The following CNGB3 variants were observed in gnomAD, a reference collection of about 807,000 sequenced individuals.
CNGB3 encodes cyclic nucleotide gated channel subunit beta 3.
A neutral mutation model predicts 92.8 loss-of-function variants in CNGB3; 86 were observed. The ratio of observed to expected loss-of-function variants is 0.93; its 90% CI spans 0.78 to 1.11. CNGB3 has a LOEUF of 1.11. Among genes scored for constraint, CNGB3 ranks in the 50% least tolerant of loss-of-function variants. CNGB3 has a pLI of 0.00. For synonymous variants in CNGB3, 333 were observed against 332.7 expected (o/e 1.00, Z -0.01); for missense variants, 1,026 against 956.8 (o/e 1.07, Z -0.95).
intron 3 of CNGB3, among the ~76,000 whole-genome samples, chr8:86,683,305 T>C (rs1586013793): frequency 6.6e-6 from 1 of 152,096 alleles, no homozygotes; most frequent in East Asian, 1.9e-4. Context: ...GAAGATACAC[T>C]GAGTTGGTCT....
intron 5 of CNGB3, 113 bp downstream of exon 5, chr8:86,667,906 G>T: frequency 1.7e-6 from 2 of 1,164,220 alleles, no homozygotes; most frequent in Non-Finnish European, 1.3e-6. Context: ...CTGCTTCCTA[G>T]TTAGATTGAG....
At chr8:86,628,382 C>T (rs1442530715) in intron 12 of CNGB3, among the ~76,000 whole-genome samples, 1 of 152,082 alleles carries the variant, frequency 6.6e-6, no homozygotes, top group East Asian at 1.9e-4. Context: ...TGCCCAGCCT[C>T]AAAAGTTATA....
At chr8:86,578,111 G>A (rs542454641) in intron 17 of CNGB3, among the ~76,000 whole-genome samples, 12 of 152,064 alleles carry the variant, frequency 7.9e-5, no homozygotes, top group South Asian at 6.2e-4. Flanking sequence ...GGGTTTCACC[G>A]TGTTAGTCAG....
At chr8:86,679,692 A>C (rs1824043094) in intron 3 of CNGB3, among the ~76,000 whole-genome samples, 1 of 151,946 alleles carries the variant, frequency 6.6e-6, no homozygotes, top group East Asian at 1.9e-4. Flanking sequence ...TGCCTGGCTA[A>C]TTTTTGTATT....
chr8:86,702,319 T>C (rs1478983510), intron 3 of CNGB3, among the ~76,000 whole-genome samples: 1 of 152,214 alleles, frequency 6.6e-6, no homozygotes, highest in Non-Finnish European at 1.5e-5. Flanking sequence ...TCCTTAAGGC[T>C]ATTCTGTATT....
intron 1 of CNGB3, among the ~76,000 whole-genome samples, chr8:86,742,270 G>C (rs1825356260): frequency 6.6e-6 from 1 of 152,238 alleles, no homozygotes; most frequent in Admixed American, 6.5e-5. Flanking sequence ...CTGAAGGAAA[G>C]TACCAGCTCA....
intron 3 of CNGB3, among the ~76,000 whole-genome samples, chr8:86,700,008 C>A (rs1164686526): frequency 6.6e-6 from 1 of 152,196 alleles, no homozygotes; most frequent in Middle Eastern, 3.4e-3. Flanking sequence ...GCAAGACCCC[C>A]ACAAAATTTT....
At chr8:86,626,655 A>G (rs1364207417) in intron 12 of CNGB3, among the ~76,000 whole-genome samples, 2 of 152,212 alleles carry the variant, frequency 1.3e-5, no homozygotes, top group Non-Finnish European at 1.5e-5. Flanking sequence ...CATAATTAGT[A>G]GGTGGCTCAG....
chr8:86,701,597 A>T (rs1315323609), intron 3 of CNGB3, among the ~76,000 whole-genome samples: 1 of 152,230 alleles, frequency 6.6e-6, no homozygotes, highest in Non-Finnish European at 1.5e-5. Context: ...ACAGAAAGAT[A>T]ACCATGCAAT....
At chr8:86,723,479 T>C (rs1158518630) in intron 3 of CNGB3, among the ~76,000 whole-genome samples, 1 of 152,140 alleles carries the variant, frequency 6.6e-6, no homozygotes, top group Non-Finnish European at 1.5e-5. Context: ...ATCAAAAGCA[T>C]TGTGAAGTAA....
At chr8:86,639,553 A>AT in intron 10 of CNGB3, among the ~76,000 whole-genome samples, 1 of 152,184 alleles carries the variant, frequency 6.6e-6, no homozygotes, top group South Asian at 2.1e-4. Context: ...AAATTTGCAA[A>AT]TCCAAAGGCC....
intron 2 of CNGB3, among the ~76,000 whole-genome samples, chr8:86,727,884 G>C (rs554492146): frequency 1.3e-5 from 2 of 152,126 alleles, no homozygotes; most frequent in African/African-American, 4.8e-5. Context: ...TAAATCAGGG[G>C]ATGATCACCA....
At chr8:86,667,254 C>A in intron 5 of CNGB3, 121 bp from the exon 6 acceptor site, 1 of 808,630 alleles carries the variant, frequency 1.2e-6, no homozygotes, top group South Asian at 1.5e-5. Context: ...ATAGGAGGCT[C>A]TATTAAACAT....
chr8:86,653,837 C>T (rs1398273384), intron 7 of CNGB3, among the ~76,000 whole-genome samples, 175 bp downstream of exon 7: 1 of 152,118 alleles, frequency 6.6e-6, no homozygotes. Context: ...GAATTACCCA[C>T]TTGCACATAC....
chr8:86,650,918 G>A (rs1289440214), intron 7 of CNGB3, among the ~76,000 whole-genome samples: 3 of 151,748 alleles, frequency 2.0e-5, no homozygotes, highest in Non-Finnish European at 3.0e-5. Context: ...AACCTAAGTG[G>A]CCATTGACCA....
chr8:86,700,067 G>A (rs1824522971), intron 3 of CNGB3, among the ~76,000 whole-genome samples: 1 of 152,120 alleles, frequency 6.6e-6, no homozygotes, highest in Non-Finnish European at 1.5e-5. Context: ...ATGCTAAATT[G>A]TTATAACTTT....
chr8:86,717,606 C>G (rs1328162745), intron 3 of CNGB3, among the ~76,000 whole-genome samples: 2 of 148,834 alleles, frequency 1.3e-5, no homozygotes, highest in African/African-American at 2.5e-5. Flanking sequence ...ACTCTACTGA[C>G]AGAACTAGAC....
At chr8:86,718,287 A>C (rs1824902254) in intron 3 of CNGB3, among the ~76,000 whole-genome samples, 1 of 152,168 alleles carries the variant, frequency 6.6e-6, no homozygotes, top group Non-Finnish European at 1.5e-5. Context: ...GAACCAAGAA[A>C]AGACAAGAGA....
Position 86,694,244 on chromosome 8 carries a change from C to T in CNGB3, c.339-23146G>A, listed in dbSNP as rs1227387814. On this transcript the variant is annotated intron_variant, in intron 3 of 17. Transcript: ENST00000320005. ...GGGGGGCTGACCCCCCCACCTCCCTCCTGGATGGGGCGGCTGGCCGGGCAA... is the reference window on the plus strand; with the variant it reads ...GGGGGGCTGACCCCCCCACCTCCCTTCTGGATGGGGCGGCTGGCCGGGCAA... Among the ~76,000 whole-genome samples the T allele has an allele frequency of 2.2e-5, 3 of 135,946 alleles. No homozygotes were observed. The East Asian group carries it at 7.3e-4, about 33-fold the overall frequency. 89.2% of individuals were successfully genotyped at this position (135,946 alleles called of 152,430 possible). A position where few individuals can be genotyped will look rare whatever the true frequency, so the allele number is the denominator to read the frequency against.
Sources: gnomAD v4.1 joint callset for allele counts (sites outside exome capture counted in the v4.1 genomes callset) on GRCh38, gnomAD v4.1.1 for gene constraint, MANE v1.5 for transcripts, NCBI Gene and HGNC (gene_info 2026-07-23, HGNC 2026-07-21) for gene names.